LRRN1: variants seen among roughly 807,000 people sequenced by gnomAD.
LRRN1 encodes the protein leucine rich repeat neuronal 1, also known as leucine-rich repeat neuronal protein 1.
A neutral mutation model predicts 45.8 loss-of-function variants in LRRN1; 14 were observed. The observed-to-expected ratio is 0.31, with a 90% CI of 0.20 to 0.48. The LOEUF (loss-of-function observed/expected upper bound fraction) is 0.48, where lower values mean the gene tolerates loss of function less well. LRRN1 is among the 20% of genes least tolerant of loss of function. The pLI is 0.99. For missense variants in LRRN1, 789 were observed against 874.2 expected, an observed-to-expected ratio of 0.90 and a Z score of 1.23; for synonymous variants, 359 against 330.1, an observed-to-expected ratio of 1.09 and a Z score of -0.95.
At chr3:3,842,038 A>G (rs1006650459) in intron 1 of LRRN1, among the ~76,000 whole-genome samples, 2 of 152,160 alleles carry the variant, frequency 1.3e-5, no homozygotes, top group African/African-American at 4.8e-5. Context: ...TATATGATAT[A>G]CCCTATTGCT....
chr3:3,820,477 G>A (rs1001056696), intron 1 of LRRN1, among the ~76,000 whole-genome samples: 5 of 152,092 alleles, frequency 3.3e-5, no homozygotes, highest in Admixed American at 1.3e-4. Context: ...TATGTAAACC[G>A]CTCTTCATTT....
At chr3:3,822,196 G>C (rs1294700767) in intron 1 of LRRN1, among the ~76,000 whole-genome samples, 2 of 152,152 alleles carry the variant, frequency 1.3e-5, no homozygotes, top group African/African-American at 4.8e-5. Flanking sequence ...AGCGTTGCAA[G>C]CATTCCATGA....
chr3:3,804,381 T>C (rs917657211), intron 1 of LRRN1, among the ~76,000 whole-genome samples: 1 of 152,202 alleles, frequency 6.6e-6, no homozygotes, highest in Non-Finnish European at 1.5e-5. Flanking sequence ...ATTTAACTTA[T>C]ATGGAACCAT....
intron 1 of LRRN1, among the ~76,000 whole-genome samples, chr3:3,837,947 C>A (rs567218842): frequency 5.3e-5 from 8 of 152,186 alleles, no homozygotes; most frequent in African/African-American, 1.9e-4. Context: ...CATGTGTTCT[C>A]ATTTTTCAGC....
At chr3:3,803,445 C>T (rs1247570067) in intron 1 of LRRN1, among the ~76,000 whole-genome samples, 5 of 152,074 alleles carry the variant, frequency 3.3e-5, no homozygotes, top group African/African-American at 9.7e-5. Flanking sequence ...TTTTAAGTTA[C>T]AAAATAATAG....
chr3:3,825,976 G>A (rs1172379571), intron 1 of LRRN1, among the ~76,000 whole-genome samples: 2 of 152,130 alleles, frequency 1.3e-5, no homozygotes, highest in Non-Finnish European at 2.9e-5. Context: ...AACTGGCCAT[G>A]GGCCATAAAG....
Position 3,848,724 on chromosome 3 carries a change from A to T in LRRN1, c.*1932A>T, listed in dbSNP as rs1458915344. 3.3e-5 allele frequency among the ~76,000 whole-genome samples: 5 copies of T among 152,136 alleles called. No individual in the cohort carries two copies. The highest frequency in any genetic ancestry group is 5.9e-5 in the Non-Finnish European group (4 of 68,012). On this transcript the variant is annotated 3_prime_UTR_variant, in exon 2 of 2. Transcript: ENST00000319331. ...TGGTGAGAAAAACCTGGGCCCAGGGAGGGCTTGCAGCTTACCCAGTTCGGA... is the reference window on the plus strand; with the variant it reads ...TGGTGAGAAAAACCTGGGCCCAGGGTGGGCTTGCAGCTTACCCAGTTCGGA...
chr3:3,849,610 C>T lies in LRRN1; in HGVS notation c.*2818C>T, dbSNP rs1693854651. Among the ~76,000 whole-genome samples, 1 of 152,110 alleles carries T rather than the reference C, an allele frequency of 6.6e-6. No homozygotes were observed. The highest frequency in any genetic ancestry group is 1.5e-5 in the Non-Finnish European group (1 of 68,022). ...TATTTTCCCTTTTGCTTTCTGCTGC[C>T]TTCAGGGTATATAGTGTATCTCTAA... On this transcript the variant is annotated 3_prime_UTR_variant, in exon 2 of 2. Transcript: ENST00000319331.
chr3:3,847,575 T>C lies in LRRN1; in HGVS notation c.*783T>C, dbSNP rs1693805700. On this transcript the variant is annotated 3_prime_UTR_variant, in exon 2 of 2. Transcript: ENST00000319331. Reference sequence around the variant, plus strand: ...TAACTCACCAACACGTGGTGTATAATGAAGACAGAACTATAATAAATTAGT... The same window carrying C: ...TAACTCACCAACACGTGGTGTATAACGAAGACAGAACTATAATAAATTAGT... The C allele has an allele frequency of 6.0e-6, 1 of 167,064 alleles. No homozygotes were observed. The highest frequency in any genetic ancestry group is 2.1e-4 in the South Asian group (1 of 4,828). The allele number at this position is 167,064 out of a possible 1,614,324, so 10.3% of individuals were successfully genotyped here.
At chr3:3,828,991 CTTT>C (rs386395826) in intron 1 of LRRN1, among the ~76,000 whole-genome samples, 5 of 140,530 alleles carry the variant, frequency 3.6e-5, no homozygotes, top group African/African-American at 1.1e-4. Context: ...TCTTTTCTTT[CTTT>C]TTTTTTTTTT....
intron 1 of LRRN1, among the ~76,000 whole-genome samples, chr3:3,830,294 A>G (rs1056834319): frequency 2.6e-5 from 4 of 152,072 alleles, no homozygotes; most frequent in Non-Finnish European, 2.9e-5. Context: ...TTTGTCACCA[A>G]TTTTCCAATC....
rs1434122216 is a variant in LRRN1 at position 3,816,368 on chromosome 3, ACT to A, written c.-279+16452_-279+16453del. On this transcript the variant is annotated intron_variant, in intron 1 of 1. Coordinates refer to ENST00000319331, the MANE Select transcript of LRRN1 (RefSeq NM_020873.7). This position sits in a 1 kb window ranked among gnomAD's most constrained non-coding sequence, Gnocchi z 4.0. ...CATCAAGGAAAATCTACAATAAGAA[ACT>A]CTTTCAAATTCAGGGATGTAACTTT... 1.3e-5 allele frequency among the ~76,000 whole-genome samples: 2 copies of A among 152,168 alleles called. No individual in the cohort carries two copies. Among genetic ancestry groups the A allele is most frequent in the South Asian group, 4.1e-4 (2 of 4,820 alleles).
chr3:3,802,098 G>A (rs1692665049), intron 1 of LRRN1, among the ~76,000 whole-genome samples: 1 of 152,176 alleles, frequency 6.6e-6, no homozygotes, highest in African/African-American at 2.4e-5. Flanking sequence ...AGAACTGCAG[G>A]TGATGCAACT....
At chr3:3,806,133 T>C (rs1692752988) in intron 1 of LRRN1, among the ~76,000 whole-genome samples, 1 of 152,140 alleles carries the variant, frequency 6.6e-6, no homozygotes, top group South Asian at 2.1e-4. Context: ...AATGGGATGC[T>C]GCTCAACATC....
At position 3,845,871 on chromosome 3, in the gene LRRN1, G is replaced by A; in HGVS notation, c.1230G>A (p.Val410=). 3 of 1,614,114 alleles carry A rather than the reference G, an allele frequency of 1.9e-6. No individual in the cohort carries two copies. The East Asian group carries it at 6.7e-5, about 36-fold the overall frequency. The change falls in exon 2 of 2, where the codon GTG becomes GTA. Residue 410 remains valine, a synonymous_variant. Transcript: ENST00000319331. This position sits in a 1 kb window ranked among gnomAD's most constrained non-coding sequence, Gnocchi z 6.5. The part of the protein sequence containing the change: ...AMPPEYKGHQ[V]KEVLIQDSSE... ...CGCCCGAATATAAAGGGCACCAGGT[G>A]AAGGAAGTTTTAATCCAGGATTCGA... is the stretch of plus-strand genomic sequence containing the variant.
intron 1 of LRRN1, among the ~76,000 whole-genome samples, chr3:3,840,892 A>G (rs997103090): frequency 1.3e-5 from 2 of 152,222 alleles, no homozygotes; most frequent in Admixed American, 1.3e-4. Flanking sequence ...TGTTGAACCT[A>G]TAGCCCCATA....
At chr3:3,824,976 G>A (rs917047371) in intron 1 of LRRN1, among the ~76,000 whole-genome samples, 4 of 152,086 alleles carry the variant, frequency 2.6e-5, no homozygotes, top group East Asian at 1.9e-4. Context: ...TATTTCACAG[G>A]GAGGCTAGCC....
At chr3:3,839,323 A>G (rs1189196530) in intron 1 of LRRN1, among the ~76,000 whole-genome samples, 1 of 151,998 alleles carries the variant, frequency 6.6e-6, no homozygotes, top group Non-Finnish European at 1.5e-5. Context: ...AGAAGGCTTT[A>G]TTTCTGGACT....
Position 3,816,930 on chromosome 3 carries a change from GAGAA to G in LRRN1, c.-279+17015_-279+17018del, listed in dbSNP as rs753848446. On this transcript the variant is annotated intron_variant, in intron 1 of 1. Coordinates refer to ENST00000319331, the MANE Select transcript of LRRN1 (RefSeq NM_020873.7). This position sits in a 1 kb window ranked among gnomAD's most constrained non-coding sequence, Gnocchi z 4.0. ...TACTTGAATTAGTCATGATTTGCCA[GAGAA>G]AGAGAATGAATAGGATGGGTGATTG... Among the ~76,000 whole-genome samples, 2 of 152,184 alleles carry G rather than the reference GAGAA, an allele frequency of 1.3e-5. No homozygotes were observed. Among genetic ancestry groups the G allele is most frequent in the Non-Finnish European group, 2.9e-5 (2 of 68,034 alleles).
Sources: allele counts gnomAD v4.1 joint callset (sites outside exome capture counted in the v4.1 genomes callset), GRCh38; gene constraint gnomAD v4.1.1; non-coding constraint Gnocchi (gnomAD v3.1); transcripts MANE v1.5; gene names NCBI Gene and HGNC (gene_info 2026-07-23, HGNC 2026-07-21).